The following KIAA1958 variants were observed in gnomAD, a reference collection of about 807,000 sequenced individuals.
KIAA1958 encodes KIAA1958, also known as uncharacterized protein KIAA1958.
A neutral mutation model predicts 47.2 loss-of-function variants in KIAA1958; 14 were observed. The ratio of observed to expected loss-of-function variants is 0.30; its 90% confidence interval spans 0.20 to 0.46. The LOEUF is 0.46. Among genes scored for constraint, KIAA1958 ranks in the 20% least tolerant of loss-of-function variants. The pLI, the probability that KIAA1958 is intolerant of heterozygous loss-of-function variation, is 1.00. For missense variants in KIAA1958, 803 were observed against 909.2 expected, an observed-to-expected ratio of 0.88 and a Z score of 1.50; for synonymous variants, 354 against 353.3, an observed-to-expected ratio of 1.00 and a Z score of -0.02.
chr9:112,554,030 A>G (rs17812728), intron 1 of KIAA1958, among the ~76,000 whole-genome samples: 1,848 of 152,324 alleles, frequency 0.012, 14 homozygotes, highest in South Asian at 0.02. Context: ...AGATGGTATC[A>G]TGTACTGTAA....
At position 112,664,636 on chromosome 9, in the gene KIAA1958, C is replaced by T. The variant is rs989873823; in HGVS notation, c.*4567C>T. 1 of 152,136 alleles carries T rather than the reference C, an allele frequency of 6.6e-6. No individual in the cohort carries two copies. 9.4% of individuals were successfully genotyped at this position (152,136 alleles called of 1,614,324 possible). On this transcript the variant is annotated 3_prime_UTR_variant, in exon 4 of 4. Coordinates refer to ENST00000337530, the MANE Select transcript of KIAA1958 (RefSeq NM_133465.4). ...TTGTTTTTGGAGTGAATTTTTAATACTCTGTGTTAAAAGAAAAACATTCCA... is the reference window on the plus strand; with the variant it reads ...TTGTTTTTGGAGTGAATTTTTAATATTCTGTGTTAAAAGAAAAACATTCCA...
intron 1 of KIAA1958, among the ~76,000 whole-genome samples, chr9:112,523,055 C>T (rs916800572): frequency 6.6e-6 from 1 of 152,204 alleles, no homozygotes; most frequent in Non-Finnish European, 1.5e-5. Flanking sequence ...TTTCTACCCA[C>T]AGCACAGCTA....
chr9:112,579,528 A>T (rs1835702179), intron 2 of KIAA1958, among the ~76,000 whole-genome samples: 1 of 152,054 alleles, frequency 6.6e-6, no homozygotes, highest in Non-Finnish European at 1.5e-5. Flanking sequence ...CGCTGAATTG[A>T]TTCAGATACC....
At chr9:112,586,528 G>C (rs1433516160) in intron 2 of KIAA1958, among the ~76,000 whole-genome samples, 1 of 151,920 alleles carries the variant, frequency 6.6e-6, no homozygotes, top group Non-Finnish European at 1.5e-5. Context: ...TCCTATTTTA[G>C]TATGATTTGT....
At chr9:112,580,558 G>A (rs529292394) in intron 2 of KIAA1958, among the ~76,000 whole-genome samples, 1 of 152,144 alleles carries the variant, frequency 6.6e-6, no homozygotes, top group Non-Finnish European at 1.5e-5. Flanking sequence ...AGGCCAAGGC[G>A]AGTGGATCAC....
intron 1 of KIAA1958, among the ~76,000 whole-genome samples, chr9:112,569,919 T>A (rs1226566276): frequency 6.6e-6 from 1 of 152,164 alleles, no homozygotes; most frequent in East Asian, 1.9e-4. Context: ...CCACTGCACC[T>A]GGCCCAAATA....
chr9:112,605,023 G>GT lies in KIAA1958; in HGVS notation c.1171+29775dup, dbSNP rs1041661959. On this transcript the variant is annotated intron_variant, in intron 2 of 3. Transcript: ENST00000337530. Reference sequence around the variant, plus strand: ...TTTTTATATGTTATATATTTTATATGTTTATATACATTATGTATTTTTATA... The same window carrying GT: ...TTTTTATATGTTATATATTTTATATGTTTTATATACATTATGTATTTTTATA... 2.8e-4 allele frequency among the ~76,000 whole-genome samples: 40 copies of GT among 143,950 alleles called. No individual in the cohort carries two copies. In the East Asian group the frequency reaches 6.5e-3, roughly 23 times the overall value. 94.4% of individuals were successfully genotyped at this position (143,950 alleles called of 152,430 possible).
chr9:112,633,524 C>T (rs1836746463), intron 2 of KIAA1958, among the ~76,000 whole-genome samples: 1 of 151,940 alleles, frequency 6.6e-6, no homozygotes, highest in Non-Finnish European at 1.5e-5. Flanking sequence ...ATTATACTTA[C>T]TGAAGTATAG....
At chr9:112,522,236 G>A (rs1834558051) in intron 1 of KIAA1958, among the ~76,000 whole-genome samples, 1 of 152,236 alleles carries the variant, frequency 6.6e-6, no homozygotes, top group African/African-American at 2.4e-5. Context: ...CTCCCAAAGT[G>A]CTGGGATTAT....
intron 1 of KIAA1958, among the ~76,000 whole-genome samples, chr9:112,558,337 T>C (rs543348168): frequency 8.6e-6 from 1 of 116,700 alleles, no homozygotes; most frequent in Non-Finnish European, 1.7e-5. Flanking sequence ...TGGTGTAGTA[T>C]TAATTGTAAA....
intron 1 of KIAA1958, among the ~76,000 whole-genome samples, chr9:112,550,079 A>G (rs1394016980): frequency 6.6e-6 from 1 of 150,854 alleles, no homozygotes; most frequent in Admixed American, 6.6e-5. Flanking sequence ...TTTGAATGGG[A>G]AGGAATTAGG....
chr9:112,565,353 T>C (rs1835409293), intron 1 of KIAA1958, among the ~76,000 whole-genome samples: 3 of 152,216 alleles, frequency 2.0e-5, no homozygotes. Flanking sequence ...ATCCTCCTTC[T>C]TTGGCCTCCC....
intron 1 of KIAA1958, among the ~76,000 whole-genome samples, chr9:112,489,915 T>G (rs1307698450): frequency 1.3e-5 from 2 of 152,244 alleles, no homozygotes; most frequent in African/African-American, 4.8e-5. Flanking sequence ...GACTAGTGTT[T>G]TCATTAGCAA....
intron 2 of KIAA1958, among the ~76,000 whole-genome samples, chr9:112,623,365 C>T (rs543043690): frequency 1.0e-3 from 158 of 152,278 alleles, no homozygotes; most frequent in Non-Finnish European, 1.8e-3. Context: ...AAATGGCTTG[C>T]CCATGTCACA....
intron 2 of KIAA1958, among the ~76,000 whole-genome samples, chr9:112,642,427 C>G (rs1836906497): frequency 6.6e-6 from 1 of 152,192 alleles, no homozygotes; most frequent in African/African-American, 2.4e-5. Context: ...ATGGGACTGC[C>G]CAGAGTTACC....
intron 1 of KIAA1958, among the ~76,000 whole-genome samples, chr9:112,546,096 A>G (rs1835027969): frequency 6.6e-6 from 1 of 152,110 alleles, no homozygotes. Context: ...CTGGTTTCAC[A>G]TGATACAGGT....
intron 2 of KIAA1958, among the ~76,000 whole-genome samples, chr9:112,579,846 C>CT (rs1296467663): frequency 6.6e-6 from 1 of 152,198 alleles, no homozygotes; most frequent in Non-Finnish European, 1.5e-5. Flanking sequence ...AGCAAAAAAT[C>CT]TGAGTTGAAA....
chr9:112,530,038 T>A (rs1366718907), intron 1 of KIAA1958, among the ~76,000 whole-genome samples: 1 of 151,960 alleles, frequency 6.6e-6, no homozygotes, highest in Non-Finnish European at 1.5e-5. Context: ...GGAGACAGGG[T>A]TTCACCGTGT....
intron 1 of KIAA1958, among the ~76,000 whole-genome samples, chr9:112,508,027 T>TATAC (rs1202601734): frequency 1.3e-5 from 2 of 152,166 alleles, no homozygotes; most frequent in East Asian, 3.8e-4. Flanking sequence ...CATATCTATA[T>TATAC]ATACAACCTA....
Sources: allele counts gnomAD v4.1 joint callset (sites outside exome capture counted in the v4.1 genomes callset), GRCh38; gene constraint gnomAD v4.1.1; transcripts MANE v1.5; gene names NCBI Gene and HGNC (gene_info 2026-07-23, HGNC 2026-07-21).